Variants in GLI3 observed in about 807,000 individuals in gnomAD.
GLI3 encodes the protein transcription activator GLI3.
In GLI3, 20 loss-of-function variants were observed where a neutral mutation model predicts 100.8. That is an observed-to-expected ratio of 0.20 (90% CI 0.14 to 0.29). GLI3 has a LOEUF of 0.29. Among genes scored for constraint, GLI3 ranks in the 10% least tolerant of loss-of-function variants. GLI3 has a pLI of 1.00. For synonymous variants in GLI3, 938 were observed against 860.5 expected (o/e 1.09, Z -1.58); for missense variants, 2,040 against 2,128.5 (o/e 0.96, Z 0.82).
At chr7:42,012,377 T>C (rs1003618433) in intron 10 of GLI3, among the ~76,000 whole-genome samples, 3 of 151,858 alleles carry the variant, frequency 2.0e-5, no homozygotes, top group Non-Finnish European at 4.4e-5. Context: ...CTTGCTCCTC[T>C]CCCCCCTCCC....
intron 3 of GLI3, chr7:42,145,449 A>C (rs1009983695): frequency 8.5e-5 from 34 of 397,846 alleles, no homozygotes; most frequent in Non-Finnish European, 7.5e-5. Flanking sequence ...AAACAGAAAA[A>C]AGTTATAGTC....
chr7:42,019,973 TA>T (rs1193918443), intron 10 of GLI3, among the ~76,000 whole-genome samples: 1 of 152,036 alleles, frequency 6.6e-6, no homozygotes, highest in East Asian at 1.9e-4. Flanking sequence ...AGCTTGAGAG[TA>T]ACTAAGCCCA....
Position 42,040,151 on chromosome 7 carries a change from G to A in GLI3, c.915C>T (p.Asp305=). ...SISPLSDHSF[D]LQTMIRTSPN... is the part of the protein sequence containing the mutation. ...GAGACGTCCTTATCATGGTCTGAAG[G>A]TCAAAGCTATGATCGGAGAGTGGTG... The change falls in exon 7 of 15, where the codon GAC becomes GAT. Residue 305 remains aspartate, a synonymous_variant. Transcript: ENST00000395925. 2 of 1,613,546 alleles carry A rather than the reference G, an allele frequency of 1.2e-6. No individual in the cohort carries two copies.
chr7:42,051,521 C>T (rs1305355240), intron 4 of GLI3, among the ~76,000 whole-genome samples: 2 of 152,116 alleles, frequency 1.3e-5, no homozygotes, highest in Non-Finnish European at 2.9e-5. Context: ...ATATTCCACC[C>T]ATAATACACA....
chr7:42,072,409 G>A (rs577485697), intron 4 of GLI3, among the ~76,000 whole-genome samples: 33 of 152,122 alleles, frequency 2.2e-4, no homozygotes, highest in Non-Finnish European at 4.3e-4. Flanking sequence ...TTTATAATTT[G>A]GGTTTCTACA....
At chr7:42,048,349 A>G (rs937126505) in intron 5 of GLI3, 142 bp downstream of exon 5, 4 of 718,488 alleles carry the variant, frequency 5.6e-6, no homozygotes, top group African/African-American at 1.7e-5. Context: ...CTGAAACGCA[A>G]TCATGCATGT....
intron 3 of GLI3, chr7:42,118,419 T>C: frequency 2.5e-6 from 1 of 397,798 alleles, no homozygotes; most frequent in African/African-American, 2.1e-5. Flanking sequence ...GGCAGTGCCA[T>C]GACTCAAAAT....
At chr7:42,057,242 C>G (rs1361938095) in intron 4 of GLI3, among the ~76,000 whole-genome samples, 1 of 152,134 alleles carries the variant, frequency 6.6e-6, no homozygotes, top group Non-Finnish European at 1.5e-5. Flanking sequence ...TTTTAACTAA[C>G]TCTCCATAAA....
chr7:42,005,104 G>A (rs2128723183), intron 10 of GLI3, among the ~76,000 whole-genome samples: 1 of 152,164 alleles, frequency 6.6e-6, no homozygotes, highest in East Asian at 1.9e-4. Context: ...ACCAACACAT[G>A]AAGTACAGAC....
At chr7:42,199,697 A>T (rs1787998904) in intron 2 of GLI3, among the ~76,000 whole-genome samples, 1 of 152,248 alleles carries the variant, frequency 6.6e-6, no homozygotes, top group African/African-American at 2.4e-5. Context: ...GCCATGTCCT[A>T]TCGGATTTAT....
At chr7:42,150,333 T>C (rs1298720844) in intron 2 of GLI3, 1 of 152,178 alleles carries the variant, frequency 6.6e-6, no homozygotes, top group Admixed American at 6.5e-5. Flanking sequence ...TAACTAATAT[T>C]TTTAGGCAGT....
At chr7:42,078,304 C>A (rs921630869) in intron 3 of GLI3, among the ~76,000 whole-genome samples, 3 of 152,206 alleles carry the variant, frequency 2.0e-5, no homozygotes, top group Non-Finnish European at 1.5e-5. Flanking sequence ...AATATAAGCA[C>A]AACAAACATG....
upstream of GLI3, among the ~76,000 whole-genome samples, chr7:42,239,973 A>G (rs1353071452): frequency 2.6e-5 from 4 of 152,318 alleles, no homozygotes; most frequent in South Asian, 6.2e-4. Context: ...CCCAAAATAT[A>G]GAAGAGTTAT....
At chr7:42,171,643 G>A (rs947725945) in intron 2 of GLI3, among the ~76,000 whole-genome samples, 2 of 152,178 alleles carry the variant, frequency 1.3e-5, no homozygotes, top group South Asian at 2.1e-4. Flanking sequence ...TAGACGTCTG[G>A]TAATCGAAGG....
chr7:42,130,946 T>G (rs565156308), intron 3 of GLI3, among the ~76,000 whole-genome samples: 3 of 152,146 alleles, frequency 2.0e-5, no homozygotes, highest in African/African-American at 7.2e-5. Context: ...ATCTACAACT[T>G]TGGATGGTAA....
rs1369402592 is a variant in GLI3, at chr7:41,960,964, T to C, written c.*3366A>G. The C allele has an allele frequency of 6.6e-6, 1 of 152,506 alleles. No individual in the cohort carries two copies. The highest frequency in any genetic ancestry group is 1.5e-5 in the Non-Finnish European group (1 of 67,990). The allele number at this position is 152,506 out of a possible 1,614,324, so 9.4% of individuals were successfully genotyped here. On this transcript the variant is annotated 3_prime_UTR_variant, in exon 15 of 15. Transcript: ENST00000395925. ...CCAATAAAAATTTCCATACAAAGAA[T>C]TTTTTATTGACATTGTAAGAAACAT... is the stretch of plus-strand genomic sequence containing the variant.
chr7:41,964,275 T>A lies in GLI3; in HGVS notation c.*55A>T, dbSNP rs951451942. ...AAAAACAGCCAAAACAAAGTCAGTTTAATCTCTTCAACTCCTATTGATTTC... is the reference window on the plus strand; with the variant it reads ...AAAAACAGCCAAAACAAAGTCAGTTAAATCTCTTCAACTCCTATTGATTTC... On this transcript the variant is annotated 3_prime_UTR_variant, in exon 15 of 15. Transcript: ENST00000395925. 2.0e-6 allele frequency: 3 copies of A among 1,514,166 alleles called. No individual in the cohort carries two copies. The highest frequency in any genetic ancestry group is 2.8e-6 in the Non-Finnish European group (3 of 1,090,238). The allele number at this position is 1,514,166 out of a possible 1,614,324, so 93.8% of individuals were successfully genotyped here.
At chr7:42,200,436 A>G (rs1788014948) in intron 2 of GLI3, among the ~76,000 whole-genome samples, 1 of 152,188 alleles carries the variant, frequency 6.6e-6, no homozygotes, top group Non-Finnish European at 1.5e-5. Flanking sequence ...TTGCGGAAGA[A>G]GAATTAGCAC....
At chr7:42,026,832 C>A (rs1279085622) in intron 7 of GLI3, among the ~76,000 whole-genome samples, 1 of 152,128 alleles carries the variant, frequency 6.6e-6, no homozygotes, top group Non-Finnish European at 1.5e-5. Flanking sequence ...GTCTCCAGAT[C>A]TTATTACAAG....
Sources: gnomAD v4.1 joint callset for allele counts (sites outside exome capture counted in the v4.1 genomes callset) on GRCh38, gnomAD v4.1.1 for gene constraint, MANE v1.5 for transcripts, NCBI Gene and HGNC (gene_info 2026-07-23, HGNC 2026-07-21) for gene names.